Variants in ADGRL2 observed in about 807,000 individuals in gnomAD.
ADGRL2 encodes adhesion G protein-coupled receptor L2, also known as calcium-independent alpha-latrotoxin receptor 2.
Under a neutral mutation model 157.4 loss-of-function variants are expected in ADGRL2, and 44 were observed. The observed-to-expected ratio is 0.28, with a 90% CI of 0.22 to 0.36. The LOEUF (loss-of-function observed/expected upper bound fraction) is 0.36. Among genes scored for constraint, ADGRL2 ranks in the 10% least tolerant of loss-of-function variants. The pLI is 1.00. For missense variants in ADGRL2, 1,510 were observed against 1,768.9 expected (o/e 0.85, Z 2.63); for synonymous variants, 585 against 624.7 (o/e 0.94, Z 0.95).
At chr1:81,940,162 T>C (rs1275334502) in intron 4 of ADGRL2, among the ~76,000 whole-genome samples, 1 of 151,524 alleles carries the variant, frequency 6.6e-6, no homozygotes, top group Non-Finnish European at 1.5e-5. Flanking sequence ...TGAACTTGTT[T>C]TAAGTTCTTT....
intron 3 of ADGRL2, among the ~76,000 whole-genome samples, chr1:81,593,428 A>G (rs914085637): frequency 4.6e-5 from 7 of 152,176 alleles, no homozygotes; most frequent in Non-Finnish European, 1.0e-4. Flanking sequence ...TAATGCTAGT[A>G]TCTACCTCAT....
chr1:81,608,473 G>A (rs1042859078), intron 3 of ADGRL2, among the ~76,000 whole-genome samples: 3 of 152,144 alleles, frequency 2.0e-5, no homozygotes, highest in Admixed American at 6.6e-5. Flanking sequence ...GGGAAAAAGA[G>A]CACTATACTC....
chr1:81,431,144 TTC>T (rs1005625230), intron 1 of ADGRL2, among the ~76,000 whole-genome samples: 3 of 152,196 alleles, frequency 2.0e-5, no homozygotes, highest in African/African-American at 7.2e-5. Context: ...GCTCTCTCTG[TTC>T]TCTGTCTCCT....
chr1:81,844,053 G>T (rs2092697374), intron 2 of ADGRL2, among the ~76,000 whole-genome samples: 1 of 152,060 alleles, frequency 6.6e-6, no homozygotes, highest in East Asian at 1.9e-4. Context: ...ATATTGCGTG[G>T]CTGTTTAATT....
chr1:81,728,133 A>G (rs530587320), intron 1 of ADGRL2, among the ~76,000 whole-genome samples: 64 of 152,330 alleles, frequency 4.2e-4, no homozygotes, highest in African/African-American at 1.4e-3. Flanking sequence ...TGTAGACAGA[A>G]GATGGTATCT....
At position 81,539,239 on chromosome 1, in the gene ADGRL2, C is replaced by T. The variant is rs182446562; in HGVS notation, c.-247-41637C>T. ...GTCCTAAACTTTGTAACACAATTAC[C>T]ACCTCTAGTCCTGTCCACTAAATTC... On this transcript the variant is annotated intron_variant, in intron 2 of 24. Coordinates refer to the ADGRL2 transcript ENST00000370721. Among the ~76,000 whole-genome samples, 189 of 151,866 alleles carry T rather than the reference C, an allele frequency of 1.2e-3. 1 individual carries two copies. The Middle Eastern group carries it at 0.034, about 27-fold the overall frequency.
chr1:81,796,178 A>G (rs1034217854), upstream of ADGRL2, among the ~76,000 whole-genome samples: 3 of 151,992 alleles, frequency 2.0e-5, no homozygotes, highest in African/African-American at 7.2e-5. Flanking sequence ...TTTGGTAGAG[A>G]CGGGGTTTCA....
chr1:81,770,236 C>T (rs1487695924), intron 2 of ADGRL2, among the ~76,000 whole-genome samples: 1 of 142,862 alleles, frequency 7.0e-6, no homozygotes, highest in Admixed American at 7.4e-5. Flanking sequence ...AATTTCTGCT[C>T]ACTGCAACCT....
At chr1:81,367,269 A>G (rs964982060) in intron 1 of ADGRL2, among the ~76,000 whole-genome samples, 1 of 152,182 alleles carries the variant, frequency 6.6e-6, no homozygotes, top group African/African-American at 2.4e-5. Context: ...GGTTTGTTAC[A>G]TACATAGGTA....
At chr1:81,561,504 A>G (rs2080441542) in intron 2 of ADGRL2, among the ~76,000 whole-genome samples, 1 of 144,812 alleles carries the variant, frequency 6.9e-6, no homozygotes, top group Non-Finnish European at 1.5e-5. Flanking sequence ...TCAGCCACCC[A>G]GGCTGGAGTG....
At chr1:81,356,676 G>A (rs1570710640) in intron 1 of ADGRL2, among the ~76,000 whole-genome samples, 1 of 152,084 alleles carries the variant, frequency 6.6e-6, no homozygotes, top group Non-Finnish European at 1.5e-5. Flanking sequence ...CTTTTTGGCT[G>A]GGTGCAATGG....
intron 1 of ADGRL2, among the ~76,000 whole-genome samples, chr1:81,405,916 G>T (rs545571119): frequency 6.6e-6 from 1 of 152,040 alleles, no homozygotes; most frequent in South Asian, 2.1e-4. Flanking sequence ...CTCATAAAAA[G>T]TTATATAATT....
intron 1 of ADGRL2, among the ~76,000 whole-genome samples, chr1:81,354,665 C>T (rs955679436): frequency 6.6e-6 from 1 of 152,206 alleles, no homozygotes; most frequent in African/African-American, 2.4e-5. Context: ...CTCATGCATT[C>T]ATGTGTGCCG....
At chr1:81,407,962 A>C (rs552130844) in intron 1 of ADGRL2, among the ~76,000 whole-genome samples, 2 of 152,170 alleles carry the variant, frequency 1.3e-5, no homozygotes, top group Non-Finnish European at 2.9e-5. Context: ...TTGTTTCACT[A>C]TCTGTTGTAT....
chr1:81,406,917 G>A (rs963413542), intron 1 of ADGRL2, among the ~76,000 whole-genome samples: 1 of 152,158 alleles, frequency 6.6e-6, no homozygotes, highest in East Asian at 1.9e-4. Context: ...AGCTCAATCA[G>A]CCTTCTGGTT....
At chr1:81,900,405 G>A (rs2094464877) in intron 2 of ADGRL2, among the ~76,000 whole-genome samples, 1 of 152,098 alleles carries the variant, frequency 6.6e-6, no homozygotes, top group African/African-American at 2.4e-5. Flanking sequence ...ATGTCATTGT[G>A]GAAGTTTCAT....
rs547579148 is a variant in ADGRL2, at chr1:81,536,479, G to A, written c.-247-44397G>A. Among the ~76,000 whole-genome samples the A allele has an allele frequency of 3.3e-5, 5 of 152,268 alleles. No individual in the cohort carries two copies. In the South Asian group the frequency reaches 8.3e-4, roughly 25 times the overall value. Reference sequence around the variant, plus strand: ...TACATCGATTTTCTCTAAGGAGGGAGGAAATGTGGTCAGCTAAAACAAAGC... The same window carrying A: ...TACATCGATTTTCTCTAAGGAGGGAAGAAATGTGGTCAGCTAAAACAAAGC... On this transcript the variant is annotated intron_variant, in intron 2 of 24. Coordinates refer to the ADGRL2 transcript ENST00000370721.
chr1:81,772,437 A>C (rs2086412954), intron 2 of ADGRL2, among the ~76,000 whole-genome samples: 1 of 151,832 alleles, frequency 6.6e-6, no homozygotes, highest in African/African-American at 2.4e-5. Context: ...TGGTGAAAAA[A>C]AAATGTACAG....
At chr1:81,556,312 A>ATTTTTTTTTTTT (rs145670261) in intron 2 of ADGRL2, among the ~76,000 whole-genome samples, 5 of 87,132 alleles carry the variant, frequency 5.7e-5, no homozygotes, top group Non-Finnish European at 8.1e-5. Flanking sequence ...GGCTGTCACA[A>ATTTTTTTTTTTT]TTTTTTTTTT....
Sources: allele counts gnomAD v4.1 joint callset (sites outside exome capture counted in the v4.1 genomes callset), GRCh38; gene constraint gnomAD v4.1.1; transcripts MANE v1.5; gene names NCBI Gene and HGNC (gene_info 2026-07-23, HGNC 2026-07-21).